VWA8: variants seen among roughly 807,000 people sequenced by gnomAD.
The protein encoded by VWA8 is von Willebrand factor A domain containing 8, also known as von Willebrand factor A domain-containing protein 8.
A neutral mutation model predicts 241.5 loss-of-function variants in VWA8; 221 were observed. The ratio of observed to expected loss-of-function variants is 0.91; its 90% CI spans 0.82 to 1.02. The LOEUF (loss-of-function observed/expected upper bound fraction) is 1.02. Ranked by LOEUF, VWA8 falls within the 50% of genes least tolerant of loss-of-function variation. VWA8 has a pLI of 0.00. For synonymous variants in VWA8, 852 were observed against 827.1 expected, an observed-to-expected ratio of 1.03 and a Z score of -0.52; for missense variants, 2,322 against 2,328.7, an observed-to-expected ratio of 1.00 and a Z score of 0.06.
At chr13:41,709,761 GTCTC>G (rs1221849920) in intron 26 of VWA8, among the ~76,000 whole-genome samples, 22 of 146,180 alleles carry the variant, frequency 1.5e-4, no homozygotes, top group African/African-American at 2.0e-4. Context: ...CTGTCTCTCT[GTCTC>G]TCTCTCTTTT....
Position 41,868,345 on chromosome 13 carries a change from C to T in VWA8, c.1212+1G>A, listed in dbSNP as rs374427771. 6.2e-7 allele frequency: 1 copy of T among 1,613,792 alleles called. No individual in the cohort carries two copies. Among genetic ancestry groups the T allele is most frequent in the Non-Finnish European group, 8.5e-7 (1 of 1,179,912 alleles). The stretch of plus-strand genomic sequence containing the variant: ...GAAAGAATAAACCTGTGATTAATTA[C>T]CTTAATGGTCACCTCTTTATCTGCA... On this transcript the variant is annotated splice_donor_variant, in intron 10 of 44. Transcript: ENST00000379310. LOFTEE classifies it high-confidence loss of function.
intron 14 of VWA8, among the ~76,000 whole-genome samples, chr13:41,823,435 G>GA (rs1201120595): frequency 1.3e-5 from 2 of 152,114 alleles, no homozygotes; most frequent in Non-Finnish European, 1.5e-5. Flanking sequence ...AAGATAACCA[G>GA]AAGCCCTTTC....
At position 41,697,782 on chromosome 13, in the gene VWA8, G is replaced by A. The variant is rs181293720; in HGVS notation, c.3564+1289C>T. Among the ~76,000 whole-genome samples, 733 of 152,168 alleles carry A rather than the reference G, an allele frequency of 4.8e-3. 3 individuals are homozygous for A. The highest frequency in any genetic ancestry group is 8.2e-3 in the Non-Finnish European group (556 of 68,002). The stretch of plus-strand genomic sequence containing the variant: ...AGGCCAGGAGCCAATACTGGTCTGC[G>A]GCCTGGGAGTTGGGGACCCCTGCTC... On this transcript the variant is annotated intron_variant, in intron 29 of 44. Coordinates refer to ENST00000379310, the MANE Select transcript of VWA8 (RefSeq NM_015058.2).
intron 4 of VWA8, among the ~76,000 whole-genome samples, chr13:41,893,455 C>A (rs1384934046): frequency 7.0e-6 from 1 of 142,472 alleles, no homozygotes; most frequent in Non-Finnish European, 1.5e-5. Context: ...GTTCTAGAAG[C>A]TTTATTTAAA....
At chr13:41,610,543 G>A (rs1210241871) in intron 39 of VWA8, among the ~76,000 whole-genome samples, 1 of 151,128 alleles carries the variant, frequency 6.6e-6, no homozygotes, top group Non-Finnish European at 1.5e-5. Flanking sequence ...TGTGGCGGCA[G>A]GGCCTGCATT....
chr13:41,689,207 T>C (rs1254649647), intron 34 of VWA8, 147 bp downstream of exon 34: 1 of 872,262 alleles, frequency 1.1e-6, no homozygotes, highest in Non-Finnish European at 1.7e-6. Flanking sequence ...TAACATATTT[T>C]CTACTGACTG....
chr13:41,655,381 G>A (rs1245677047), intron 37 of VWA8, among the ~76,000 whole-genome samples: 3 of 151,964 alleles, frequency 2.0e-5, no homozygotes, highest in African/African-American at 4.8e-5. Flanking sequence ...GAGCCACCAC[G>A]CCCAGCCAGT....
chr13:41,816,408 A>G (rs571037008), intron 16 of VWA8, among the ~76,000 whole-genome samples: 12 of 152,314 alleles, frequency 7.9e-5, no homozygotes, highest in African/African-American at 2.9e-4. Flanking sequence ...ATAAGAATAG[A>G]TAACACTGCT....
intron 2 of VWA8, among the ~76,000 whole-genome samples, chr13:41,938,890 T>C (rs898891186): frequency 6.6e-6 from 1 of 152,226 alleles, no homozygotes; most frequent in African/African-American, 2.4e-5. Context: ...AATGATGTTC[T>C]ATATTATCTA....
At chr13:41,788,181 T>C (rs1566457821) in intron 17 of VWA8, among the ~76,000 whole-genome samples, 2 of 152,216 alleles carry the variant, frequency 1.3e-5, no homozygotes, top group Non-Finnish European at 2.9e-5. Context: ...CTAGAATTTA[T>C]GGTCCCAAGT....
At chr13:41,811,160 A>C in intron 17 of VWA8, 65 bp downstream of exon 17, 1 of 1,384,704 alleles carries the variant, frequency 7.2e-7, no homozygotes, top group South Asian at 1.2e-5. Flanking sequence ...ACCATCAGTT[A>C]AACTTATCTT....
chr13:41,928,234 C>A (rs79154233), intron 2 of VWA8, among the ~76,000 whole-genome samples: 1,952 of 152,190 alleles, frequency 0.013, 21 homozygotes, highest in Middle Eastern at 0.048. Context: ...GTTTGAATTG[C>A]ACCTTAGACC....
At position 41,814,960 on chromosome 13, in the gene VWA8, G is replaced by C. The variant is rs79938417; in HGVS notation, c.1947+1738C>G. Among the ~76,000 whole-genome samples, 1,078 of 152,156 alleles carry C rather than the reference G, an allele frequency of 7.1e-3. 15 individuals carry two copies. Among genetic ancestry groups the C allele is most frequent in the African/African-American group, 0.025 (1,029 of 41,500 alleles). On this transcript the variant is annotated intron_variant, in intron 16 of 44. Transcript: ENST00000379310. The stretch of plus-strand genomic sequence containing the variant: ...CATACATTATGTCAAAGAGTAAGAA[G>C]CCCTATAAAGAATCTTAAAGCAGAA...
chr13:41,936,233 T>C (rs1322277229), intron 2 of VWA8, among the ~76,000 whole-genome samples: 3 of 152,190 alleles, frequency 2.0e-5, no homozygotes, highest in Non-Finnish European at 4.4e-5. Flanking sequence ...CCAAGTGATG[T>C]ATGAAAGTTT....
rs185840402 is a variant in VWA8, at chr13:41,791,499, C to A, written c.2064-3956G>T. 7.2e-5 allele frequency among the ~76,000 whole-genome samples: 11 copies of A among 151,820 alleles called. No individual in the cohort carries two copies. In the East Asian group the frequency reaches 2.1e-3, roughly 29 times the overall value. ...TATGAAGACTATTAAACATTCTATT[C>A]ATCTCTCTCCATCTCTAGAGAGAAC... On this transcript the variant is annotated intron_variant, in intron 17 of 44. Transcript: ENST00000379310.
chr13:41,684,904 G>T, intron 35 of VWA8, 143 bp downstream of exon 35: 1 of 716,560 alleles, frequency 1.4e-6, no homozygotes, highest in Non-Finnish European at 2.3e-6. Flanking sequence ...AATACGGAGA[G>T]GTCTTTTTAG....
intron 17 of VWA8, among the ~76,000 whole-genome samples, chr13:41,809,233 A>G (rs1285298274): frequency 6.6e-6 from 1 of 152,184 alleles, no homozygotes; most frequent in African/African-American, 2.4e-5. Context: ...TATTAATGAC[A>G]TTCTTTACAG....
Position 41,868,229 on chromosome 13 carries a change from G to A in VWA8, c.1212+117C>T, listed in dbSNP as rs79388837. Reference sequence around the variant, plus strand: ...CTGGAGACATAGACATATAGATACCGACAGAAGCAGTACTATCAAGAGAGA... The same window carrying A: ...CTGGAGACATAGACATATAGATACCAACAGAAGCAGTACTATCAAGAGAGA... On this transcript the variant is annotated intron_variant, in intron 10 of 44. Coordinates refer to ENST00000379310, the MANE Select transcript of VWA8 (RefSeq NM_015058.2). 1,581 of 1,176,126 alleles carry A rather than the reference G, an allele frequency of 1.3e-3. 21 individuals carry two copies. In the African/African-American group the frequency reaches 0.021, roughly 16 times the overall value. The allele number at this position is 1,176,126 out of a possible 1,614,324, so 72.9% of individuals were successfully genotyped here.
At chr13:41,859,500 G>A (rs1426558174) in intron 12 of VWA8, among the ~76,000 whole-genome samples, 1 of 152,128 alleles carries the variant, frequency 6.6e-6, no homozygotes, top group African/African-American at 2.4e-5. Context: ...TTGACTTGGT[G>A]TTTAATCTAA....
Sources: allele counts gnomAD v4.1 joint callset (sites outside exome capture counted in the v4.1 genomes callset), GRCh38; gene constraint gnomAD v4.1.1; transcripts MANE v1.5; gene names NCBI Gene and HGNC (gene_info 2026-07-23, HGNC 2026-07-21).